The following STPG2 variants were observed in gnomAD, a reference collection of about 807,000 sequenced individuals.
STPG2 encodes sperm-tail PG-rich repeat-containing protein 2.
In STPG2, 56 loss-of-function variants were observed where a neutral mutation model predicts 54.2. That is an observed-to-expected ratio of 1.03 (90% CI 0.83 to 1.29). STPG2 has a LOEUF of 1.29. Ranked by LOEUF, STPG2 falls within the 50% of genes most tolerant of loss-of-function variation. The pLI is 0.00. For synonymous variants in STPG2, 200 were observed against 181.8 expected (o/e 1.10, Z -0.81); for missense variants, 596 against 544.9 (o/e 1.09, Z -0.93).
At chr4:97,541,079 T>C (rs1397468962) in intron 4 of STPG2, among the ~76,000 whole-genome samples, 3 of 152,174 alleles carry the variant, frequency 2.0e-5, no homozygotes, top group Admixed American at 2.0e-4. Flanking sequence ...ATGACTTCTC[T>C]CAACACTCCT....
intron 9 of STPG2, among the ~76,000 whole-genome samples, chr4:97,783,118 G>T (rs1251196970): frequency 6.6e-6 from 1 of 152,180 alleles, no homozygotes; most frequent in Non-Finnish European, 1.5e-5. Context: ...CACAGTGAAA[G>T]AAACTACCAT....
intron 9 of STPG2, among the ~76,000 whole-genome samples, chr4:97,777,544 G>T (rs540794595): frequency 1.1e-4 from 16 of 152,224 alleles, no homozygotes; most frequent in Non-Finnish European, 1.8e-4. Context: ...GCTATACCTG[G>T]TTCTATTAGC....
intron 9 of STPG2, among the ~76,000 whole-genome samples, chr4:97,720,593 G>A (rs373574507): frequency 7.2e-5 from 11 of 152,024 alleles, no homozygotes; most frequent in South Asian, 6.2e-4. Context: ...GGTGAACTGG[G>A]TCTAGGAGAT....
At chr4:97,827,009 G>A (rs1728279130) in intron 9 of STPG2, among the ~76,000 whole-genome samples, 1 of 152,130 alleles carries the variant, frequency 6.6e-6, no homozygotes, top group South Asian at 2.1e-4. Context: ...AGGTGATCCT[G>A]AATGCAGGTT....
intron 7 of STPG2, among the ~76,000 whole-genome samples, chr4:97,949,070 T>A (rs1382669857): frequency 6.6e-6 from 1 of 152,136 alleles, no homozygotes; most frequent in Non-Finnish European, 1.5e-5. Context: ...AAGTAGTAAT[T>A]GTTTTAAAAA....
intron 10 of STPG2, among the ~76,000 whole-genome samples, chr4:97,710,844 A>G (rs527336984): frequency 2.0e-5 from 3 of 152,198 alleles, no homozygotes; most frequent in Non-Finnish European, 2.9e-5. Context: ...AGACAAAAAC[A>G]AAATTACAGA....
At chr4:97,863,148 G>A (rs1036052090) in intron 8 of STPG2, among the ~76,000 whole-genome samples, 2 of 152,062 alleles carry the variant, frequency 1.3e-5, no homozygotes, top group Non-Finnish European at 2.9e-5. Flanking sequence ...AAAAATCAAT[G>A]AATCCAGGAG....
intron 9 of STPG2, among the ~76,000 whole-genome samples, chr4:97,816,643 T>C (rs1041573570): frequency 6.6e-6 from 1 of 152,142 alleles, no homozygotes; most frequent in Non-Finnish European, 1.5e-5. Flanking sequence ...GCATCATGCA[T>C]CCTTTCAGGG....
intron 8 of STPG2, among the ~76,000 whole-genome samples, chr4:97,915,146 T>C (rs1269924488): frequency 6.6e-6 from 1 of 152,168 alleles, no homozygotes; most frequent in Non-Finnish European, 1.5e-5. Flanking sequence ...TAAATTCAAC[T>C]TACTGAGTAG....
intron 9 of STPG2, among the ~76,000 whole-genome samples, chr4:97,779,463 C>T (rs1266979336): frequency 1.3e-5 from 2 of 152,096 alleles, no homozygotes; most frequent in Non-Finnish European, 2.9e-5. Flanking sequence ...GATCGGTGTA[C>T]CTGAAAGTGA....
intron 9 of STPG2, among the ~76,000 whole-genome samples, chr4:97,768,745 A>G (rs1726133091): frequency 6.6e-6 from 1 of 150,386 alleles, no homozygotes; most frequent in Non-Finnish European, 1.5e-5. Context: ...TCTGCCACCC[A>G]GGCTGGAATG....
chr4:98,123,403 GT>G (rs1224884619), intron 3 of STPG2, among the ~76,000 whole-genome samples: 4 of 152,082 alleles, frequency 2.6e-5, no homozygotes, highest in African/African-American at 9.7e-5. Context: ...GTTCTCTTTA[GT>G]TTCAAAGAAC....
chr4:97,529,423 G>C (rs962935678), intron 4 of STPG2, among the ~76,000 whole-genome samples: 1 of 152,136 alleles, frequency 6.6e-6, no homozygotes, highest in African/African-American at 2.4e-5. Flanking sequence ...CATTCATCAG[G>C]AATATTGGCC....
Position 97,544,313 on chromosome 4 carries a change from T to C in STPG2, c.462+168386A>G, listed in dbSNP as rs193174178. 5.9e-4 allele frequency among the ~76,000 whole-genome samples: 90 copies of C among 152,146 alleles called. 2 individuals are homozygous for C. The East Asian group carries it at 0.016, about 28-fold the overall frequency. On this transcript the variant is annotated intron_variant, in intron 4 of 4. Transcript: ENST00000522676. ...GAGTATGTGGGCTTTGCAGATTATA[T>C]TTATGTTGTATATGCTATAGTGTTT...
chr4:97,905,709 C>T (rs1282211246), intron 8 of STPG2, among the ~76,000 whole-genome samples: 1 of 151,846 alleles, frequency 6.6e-6, no homozygotes, highest in East Asian at 1.9e-4. Flanking sequence ...TTCAGGAAAC[C>T]CATCTCACGT....
intron 8 of STPG2, among the ~76,000 whole-genome samples, chr4:97,915,545 T>C (rs1022825332): frequency 1.3e-5 from 2 of 151,800 alleles, no homozygotes; most frequent in Non-Finnish European, 2.9e-5. Flanking sequence ...TCCAGGAAGG[T>C]AGAAGAGGAA....
chr4:97,980,780 C>G (rs907999916), intron 6 of STPG2, among the ~76,000 whole-genome samples: 2 of 152,008 alleles, frequency 1.3e-5, no homozygotes, highest in Non-Finnish European at 2.9e-5. Flanking sequence ...TACCAGAATA[C>G]ATGATTGAAA....
intron 10 of STPG2, among the ~76,000 whole-genome samples, chr4:97,705,311 C>T (rs987561500): frequency 6.7e-6 from 1 of 150,002 alleles, no homozygotes; most frequent in African/African-American, 2.5e-5. Context: ...GTCTTACTCC[C>T]TTTGTCTAAC....
chr4:97,646,750 T>C (rs1457765969), intron 10 of STPG2, among the ~76,000 whole-genome samples: 1 of 152,190 alleles, frequency 6.6e-6, no homozygotes, highest in African/African-American at 2.4e-5. Context: ...TAGTGTAAGT[T>C]ATAATAATTT....
Sources: gnomAD v4.1 joint callset for allele counts (sites outside exome capture counted in the v4.1 genomes callset) on GRCh38, gnomAD v4.1.1 for gene constraint, MANE v1.5 for transcripts, NCBI Gene and HGNC (gene_info 2026-07-23, HGNC 2026-07-21) for gene names.